The following GRIN2B variants were observed in gnomAD, a reference collection of about 807,000 sequenced individuals.
GRIN2B encodes glutamate receptor ionotropic, NMDA 2B.
Under a neutral mutation model 114.5 loss-of-function variants are expected in GRIN2B, and 5 were observed. The ratio of observed to expected loss-of-function variants is 0.04; its 90% CI spans 0.02 to 0.09. The LOEUF (loss-of-function observed/expected upper bound fraction) is 0.09, where lower values mean the gene tolerates loss of function less well. Ranked by LOEUF, GRIN2B falls within the 10% of genes least tolerant of loss-of-function variation. GRIN2B has a pLI of 1.00. For synonymous variants in GRIN2B, 787 were observed against 745.1 expected (o/e 1.06, Z -0.92); for missense variants, 1,108 against 1,943.5 (o/e 0.57, Z 8.08).
chr12:13,665,167 TTGTGTGTGTG>T (rs3081936), intron 5 of GRIN2B, among the ~76,000 whole-genome samples: 6 of 149,796 alleles, frequency 4.0e-5, no homozygotes, highest in Middle Eastern at 3.5e-3. Flanking sequence ...GTGTGTGTGT[TTGTGTGTGTG>T]TGTGTGTGTG....
At chr12:13,793,858 G>A (rs74067313) in intron 3 of GRIN2B, among the ~76,000 whole-genome samples, 1 of 151,924 alleles carries the variant, frequency 6.6e-6, no homozygotes. Context: ...GTGGGAGAGG[G>A]TTAGGTTTTT....
intron 3 of GRIN2B, among the ~76,000 whole-genome samples, chr12:13,849,975 A>G (rs935203199): frequency 2.6e-5 from 4 of 152,184 alleles, no homozygotes; most frequent in African/African-American, 9.6e-5. Context: ...CCTCTTGCAG[A>G]TAAGCAAGCC....
chr12:13,616,346 GAC>G (rs1949440465), intron 6 of GRIN2B, 107 bp downstream of exon 6: 1 of 785,876 alleles, frequency 1.3e-6, no homozygotes, highest in South Asian at 1.4e-5. Context: ...CTAGAAATCA[GAC>G]ACAGTGCCCA....
At chr12:13,768,125 A>G (rs1011932056) in intron 3 of GRIN2B, among the ~76,000 whole-genome samples, 3 of 152,232 alleles carry the variant, frequency 2.0e-5, no homozygotes, top group African/African-American at 7.2e-5. Context: ...AGAATTAGTT[A>G]AGCTTCCTTC....
At chr12:13,674,611 C>T (rs1263569041) in intron 5 of GRIN2B, among the ~76,000 whole-genome samples, 2 of 152,200 alleles carry the variant, frequency 1.3e-5, no homozygotes, top group East Asian at 1.9e-4. Flanking sequence ...TTTCTGGTAA[C>T]TCTCTCTAGA....
intron 4 of GRIN2B, among the ~76,000 whole-genome samples, chr12:13,744,857 G>T (rs923248815): frequency 6.6e-6 from 1 of 152,146 alleles, no homozygotes; most frequent in Non-Finnish European, 1.5e-5. Flanking sequence ...TCTGAAAGCC[G>T]AGGGAAGGTT....
intron 2 of GRIN2B, among the ~76,000 whole-genome samples, chr12:13,928,211 T>G (rs1470148469): frequency 6.7e-6 from 1 of 149,876 alleles, no homozygotes; most frequent in East Asian, 2.0e-4. Flanking sequence ...CTTGGGAGGC[T>G]GAGGCAGGTT....
intron 2 of GRIN2B, among the ~76,000 whole-genome samples, chr12:13,931,408 T>G (rs1867028301): frequency 6.6e-6 from 1 of 152,220 alleles, no homozygotes; most frequent in African/African-American, 2.4e-5. Context: ...TATCCTGGTT[T>G]CTTCCTACTT....
intron 10 of GRIN2B, among the ~76,000 whole-genome samples, chr12:13,605,505 G>C (rs1949229423): frequency 7.8e-6 from 1 of 128,532 alleles, no homozygotes; most frequent in Non-Finnish European, 1.6e-5. Context: ...GAAATTATTT[G>C]CAAAGGTCTT....
chr12:13,861,107 A>G (rs1865744252), intron 3 of GRIN2B, among the ~76,000 whole-genome samples: 1 of 152,170 alleles, frequency 6.6e-6, no homozygotes, highest in Non-Finnish European at 1.5e-5. Context: ...TAAACTATAA[A>G]CTGAGTATCA....
rs770809494 is a variant in GRIN2B at position 13,922,626 on chromosome 12, C to T, written c.-18-56400G>A. ...TGCCTGGTGGGGAGCCTGTGGCACC[C>T]GTGGTAAGTCCGGTTTTATTTAACA... is the stretch of plus-strand genomic sequence containing the variant. On this transcript the variant is annotated intron_variant, in intron 2 of 13. Coordinates refer to ENST00000609686, the MANE Select transcript of GRIN2B (RefSeq NM_000834.5). Among the ~76,000 whole-genome samples the T allele has an allele frequency of 2.6e-5, 4 of 152,084 alleles. No homozygotes were observed. In the East Asian group the frequency reaches 7.7e-4, roughly 29 times the overall value.
intron 2 of GRIN2B, among the ~76,000 whole-genome samples, chr12:13,883,829 C>T (rs185927424): frequency 4.5e-4 from 68 of 152,130 alleles, no homozygotes; most frequent in Non-Finnish European, 8.2e-4. Flanking sequence ...ATAGCTCATA[C>T]ATTTTGTATA....
chr12:13,835,992 A>G (rs1415730019), intron 3 of GRIN2B, among the ~76,000 whole-genome samples: 1 of 152,176 alleles, frequency 6.6e-6, no homozygotes, highest in Non-Finnish European at 1.5e-5. Context: ...GGCCAGAGGG[A>G]GAGGCTGCCC....
At chr12:13,896,891 T>C (rs1866364361) in intron 2 of GRIN2B, among the ~76,000 whole-genome samples, 1 of 152,126 alleles carries the variant, frequency 6.6e-6, no homozygotes, top group African/African-American at 2.4e-5. Flanking sequence ...TTCTCATCTG[T>C]AAAATGGTAA....
At chr12:13,962,237 C>A (rs529059451) in intron 2 of GRIN2B, among the ~76,000 whole-genome samples, 1 of 152,026 alleles carries the variant, frequency 6.6e-6, no homozygotes, top group Non-Finnish European at 1.5e-5. Context: ...AGGAACCAGG[C>A]GGGAGCAGAG....
At chr12:13,845,059 G>A (rs1202121272) in intron 3 of GRIN2B, among the ~76,000 whole-genome samples, 3 of 152,128 alleles carry the variant, frequency 2.0e-5, no homozygotes, top group South Asian at 2.1e-4. Context: ...GCTTCAAGAT[G>A]AGGAGTAAAG....
At chr12:13,956,741 A>G (rs1194021919) in intron 2 of GRIN2B, among the ~76,000 whole-genome samples, 1 of 152,162 alleles carries the variant, frequency 6.6e-6, no homozygotes, top group African/African-American at 2.4e-5. Flanking sequence ...TATTCACGGC[A>G]ATGAAGCGCA....
At chr12:13,843,545 A>T (rs916809910) in intron 3 of GRIN2B, among the ~76,000 whole-genome samples, 1 of 152,184 alleles carries the variant, frequency 6.6e-6, no homozygotes, top group East Asian at 1.9e-4. Flanking sequence ...TCAGTGTGAC[A>T]GCACTTTTAG....
intron 5 of GRIN2B, among the ~76,000 whole-genome samples, chr12:13,636,714 T>A (rs1338367172): frequency 6.6e-6 from 1 of 152,140 alleles, no homozygotes; most frequent in Admixed American, 6.5e-5. Flanking sequence ...GGCAGAACAG[T>A]GATTAGGCTG....
Sources: gnomAD v4.1 joint callset for allele counts (sites outside exome capture counted in the v4.1 genomes callset) on GRCh38, gnomAD v4.1.1 for gene constraint, MANE v1.5 for transcripts, NCBI Gene and HGNC (gene_info 2026-07-23, HGNC 2026-07-21) for gene names.